The following RASGEF1C variants were observed in gnomAD, a reference collection of about 807,000 sequenced individuals.
RASGEF1C encodes ras-GEF domain-containing family member 1C.
A neutral mutation model predicts 58.1 loss-of-function variants in RASGEF1C; 27 were observed. That is an observed-to-expected ratio of 0.46 (90% CI 0.34 to 0.64). The LOEUF is 0.64. Among genes scored for constraint, RASGEF1C ranks in the 30% least tolerant of loss-of-function variants. The pLI, the probability that RASGEF1C is intolerant of heterozygous loss-of-function variation, is 0.01. For missense variants in RASGEF1C, 502 were observed against 605.1 expected (o/e 0.83, Z 1.79); for synonymous variants, 243 against 246.3 (o/e 0.99, Z 0.13).
intron 1 of RASGEF1C, among the ~76,000 whole-genome samples, chr5:180,192,783 T>C (rs1442566517): frequency 4.0e-5 from 6 of 151,846 alleles, no homozygotes; most frequent in Admixed American, 2.6e-4. Flanking sequence ...CTGGCTCTGT[T>C]GCCCAGGCTG....
intron 1 of RASGEF1C, among the ~76,000 whole-genome samples, chr5:180,149,465 G>GT (rs1181997558): frequency 6.9e-5 from 10 of 143,950 alleles, no homozygotes; most frequent in African/African-American, 1.0e-4. Context: ...GTTTTGTTTT[G>GT]TTTTTTGAGA....
In RASGEF1C at chr5:180,184,466, A is replaced by T. The variant is rs967754530; in HGVS notation, c.-7+24562T>A. On this transcript the variant is annotated intron_variant, in intron 1 of 13. Transcript: ENST00000361132. ...GTGGTGTGCACCTATAATCCCAGCT[A>T]CTCGGGAGGCTGAGGCAGGAGAATC... Among the ~76,000 whole-genome samples the T allele has an allele frequency of 4.6e-5, 7 of 151,998 alleles. No individual in the cohort carries two copies. In the South Asian group the frequency reaches 1.5e-3, roughly 32 times the overall value.
intron 1 of RASGEF1C, among the ~76,000 whole-genome samples, chr5:180,187,812 C>T (rs72823715): frequency 0.097 from 14,763 of 152,194 alleles, 950 homozygotes; most frequent in East Asian, 0.16. Context: ...ACTTTACACC[C>T]GCTAGGATGG....
intron 1 of RASGEF1C, among the ~76,000 whole-genome samples, chr5:180,166,520 T>C (rs566224344): frequency 8.0e-4 from 121 of 151,832 alleles, no homozygotes; most frequent in Non-Finnish European, 1.3e-3. Context: ...TTTTTCTTTT[T>C]TTTTTTTTTT....
chr5:180,101,497 G>A lies in RASGEF1C; in HGVS notation c.*4C>T, dbSNP rs569491486. The A allele has an allele frequency of 1.3e-5, 21 of 1,611,456 alleles. No individual in the cohort carries two copies. The Admixed American group carries it at 1.5e-4, about 12-fold the overall frequency. On this transcript the variant is annotated 3_prime_UTR_variant, in exon 14 of 14. Transcript: ENST00000361132. The stretch of plus-strand genomic sequence containing the variant: ...GCTCTTCCTCGTCCCTCAGCTCAGC[G>A]CTTTCATGTCTTCCCCAAAATAGAA...
intron 1 of RASGEF1C, among the ~76,000 whole-genome samples, chr5:180,162,947 A>T (rs555203619): frequency 1.3e-5 from 2 of 152,254 alleles, no homozygotes. Flanking sequence ...TACTGCACAC[A>T]GATTGCTAGA....
chr5:180,152,254 T>A (rs1246404453), intron 1 of RASGEF1C, among the ~76,000 whole-genome samples: 1 of 151,938 alleles, frequency 6.6e-6, no homozygotes, highest in Non-Finnish European at 1.5e-5. Context: ...ATGCTGCTAT[T>A]AAGATACACA....
At chr5:180,131,981 G>A (rs992867864) in intron 4 of RASGEF1C, among the ~76,000 whole-genome samples, 1 of 152,190 alleles carries the variant, frequency 6.6e-6, no homozygotes, top group Non-Finnish European at 1.5e-5. Flanking sequence ...TATGCTATCT[G>A]CCCTGCTCCT....
In RASGEF1C at chr5:180,198,515, A is replaced by T. The variant is rs1438256194; in HGVS notation, c.-7+10513T>A. ...TGCCTCACAGTTCTAGAGGCAGAGA[A>T]GTCCAAGATCAAGTTGCTCTCTGCT... On this transcript the variant is annotated intron_variant, in intron 1 of 13. Transcript: ENST00000361132. This position sits in a 1 kb window ranked among gnomAD's most constrained non-coding sequence, Gnocchi z 4.5. 6.6e-6 allele frequency among the ~76,000 whole-genome samples: 1 copy of T among 152,208 alleles called. No homozygotes were observed. Among genetic ancestry groups the T allele is most frequent in the African/African-American group, 2.4e-5 (1 of 41,456 alleles).
chr5:180,178,269 G>A (rs1225820439), intron 1 of RASGEF1C, among the ~76,000 whole-genome samples: 92 of 126,574 alleles, frequency 7.3e-4, no homozygotes, highest in African/African-American at 2.2e-3. Flanking sequence ...CACTGCACCC[G>A]GCTGGCTTTT....
intron 1 of RASGEF1C, among the ~76,000 whole-genome samples, chr5:180,187,016 G>A (rs1581126451): frequency 2.0e-5 from 3 of 152,234 alleles, no homozygotes; most frequent in Admixed American, 2.0e-4. Context: ...GAATTGCAAA[G>A]GTCCCTAAAT....
At position 180,200,362 on chromosome 5, in the gene RASGEF1C, T is replaced by G. The variant is rs1043025802; in HGVS notation, c.-7+8666A>C. 2.9e-5 allele frequency among the ~76,000 whole-genome samples: 4 copies of G among 136,854 alleles called. No homozygotes were observed. The East Asian group carries it at 7.0e-4, about 24-fold the overall frequency. 89.8% of individuals were successfully genotyped at this position (136,854 alleles called of 152,430 possible). ...TCCTGCTCTGTCGCCCAGGTTGGAG[T>G]GCAGTGGCGCGATCTAGGCTCACTG... On this transcript the variant is annotated intron_variant, in intron 1 of 13. Coordinates refer to ENST00000361132, the MANE Select transcript of RASGEF1C (RefSeq NM_175062.4).
chr5:180,129,326 C>A (rs1055092056), intron 4 of RASGEF1C, among the ~76,000 whole-genome samples: 3 of 152,210 alleles, frequency 2.0e-5, no homozygotes, highest in African/African-American at 7.2e-5. Context: ...GCGCCTTCTG[C>A]ACCTGGCCCG....
chr5:180,182,239 G>C (rs1286387128), intron 1 of RASGEF1C, among the ~76,000 whole-genome samples: 3 of 139,770 alleles, frequency 2.1e-5, no homozygotes, highest in South Asian at 2.4e-4. Context: ...AAAGAATGAA[G>C]CCATGGACCT....
intron 1 of RASGEF1C, among the ~76,000 whole-genome samples, chr5:180,157,420 G>A (rs1003341481): frequency 2.0e-5 from 3 of 151,862 alleles, no homozygotes; most frequent in African/African-American, 4.8e-5. Context: ...TCGGGAGTTC[G>A]AGACCAGCTT....
At chr5:180,108,282 ACCTC>A (rs1346326124) in intron 12 of RASGEF1C, among the ~76,000 whole-genome samples, 1 of 150,590 alleles carries the variant, frequency 6.6e-6, no homozygotes, top group African/African-American at 2.4e-5. Flanking sequence ...GCTCACTGTA[ACCTC>A]CACCTCTTTG....
In RASGEF1C at chr5:180,152,688, A is replaced by G. The variant is rs1270470629; in HGVS notation, c.-6-14630T>C. On this transcript the variant is annotated intron_variant, in intron 1 of 13. Transcript: ENST00000361132. ...TGTAACAAACCTGCACGTTATGCAC[A>G]TGTACCCTAGAACTTAAAGTATAAT... 3.3e-5 allele frequency among the ~76,000 whole-genome samples: 5 copies of G among 151,174 alleles called. No homozygotes were observed. In the East Asian group the frequency reaches 9.7e-4, roughly 29 times the overall value.
chr5:180,192,626 A>C (rs566763621), intron 1 of RASGEF1C, among the ~76,000 whole-genome samples: 1 of 152,356 alleles, frequency 6.6e-6, no homozygotes, highest in South Asian at 2.1e-4. Context: ...TCAATTTCAA[A>C]GACAGCATGA....
rs1371704717 is a variant in RASGEF1C, at chr5:180,155,383, C to A, written c.-6-17325G>T. On this transcript the variant is annotated intron_variant, in intron 1 of 13. Coordinates refer to ENST00000361132, the MANE Select transcript of RASGEF1C (RefSeq NM_175062.4). This position sits in a 1 kb window ranked among gnomAD's most constrained non-coding sequence, Gnocchi z 5.2. ...TGTCTGAAGGGACGCTGTGGGGGAA[C>A]TGCAGCCTCCCTAGGCCGAGCCCAG... 6.6e-6 allele frequency among the ~76,000 whole-genome samples: 1 copy of A among 152,176 alleles called. No individual in the cohort carries two copies. Among genetic ancestry groups the A allele is most frequent in the Non-Finnish European group, 1.5e-5 (1 of 68,028 alleles).
Sources: allele counts gnomAD v4.1 joint callset (sites outside exome capture counted in the v4.1 genomes callset), GRCh38; gene constraint gnomAD v4.1.1; non-coding constraint Gnocchi (gnomAD v3.1); transcripts MANE v1.5; gene names NCBI Gene and HGNC (gene_info 2026-07-23, HGNC 2026-07-21).